Variants in LIPI observed in about 807,000 individuals in gnomAD.
LIPI encodes lipase I.
LIPI carries 59 observed loss-of-function variants against 50.6 expected under a neutral mutation model. The observed-to-expected ratio is 1.16, with a 90% CI of 0.94 to 1.45. The LOEUF (loss-of-function observed/expected upper bound fraction) is 1.45, where lower values mean the gene tolerates loss of function less well. Among genes scored for constraint, LIPI ranks in the 40% most tolerant of loss-of-function variants. The probability of loss-of-function intolerance (pLI) is 0.00; values close to 1 mark genes in which losing one functional copy is unlikely to be tolerated. For missense variants in LIPI, 586 were observed against 536.3 expected (o/e 1.09, Z -0.92); for synonymous variants, 203 against 178.2 (o/e 1.14, Z -1.11).
At chr21:14,176,175 CAA>C (rs35536134) in intron 4 of LIPI, among the ~76,000 whole-genome samples, 67 of 111,628 alleles carry the variant, frequency 6.0e-4, no homozygotes, top group Admixed American at 1.0e-3. Flanking sequence ...GACTCCGTCT[CAA>C]AAAAAAAAAA....
intron 4 of LIPI, among the ~76,000 whole-genome samples, chr21:14,179,194 A>T (rs2019188364): frequency 6.6e-6 from 1 of 152,068 alleles, no homozygotes; most frequent in Admixed American, 6.6e-5. Context: ...GAAAGGCCAC[A>T]TGGCTTTCTG....
rs572787365 is a variant in LIPI, at chr21:14,122,397, C to T, written c.1296-13317G>A. ...TTCAAATAGGGAAACCTTTGTTACC[C>T]ACATATGCCAATCCTAATAACGTTG... is the stretch of plus-strand genomic sequence containing the variant. On this transcript the variant is annotated intron_variant, in intron 9 of 9. Transcript: ENST00000681601. 1.4e-4 allele frequency among the ~76,000 whole-genome samples: 22 copies of T among 152,276 alleles called. No individual in the cohort carries two copies. In the East Asian group the frequency reaches 4.1e-3, roughly 28 times the overall value.
chr21:14,189,885 A>C (rs2019608721), intron 1 of LIPI, among the ~76,000 whole-genome samples: 1 of 152,110 alleles, frequency 6.6e-6, no homozygotes, highest in Admixed American at 6.5e-5. Flanking sequence ...ATGTTTCAAA[A>C]AATTAAATAA....
chr21:14,188,917 G>T, intron 2 of LIPI, 117 bp downstream of exon 2: 1 of 899,542 alleles, frequency 1.1e-6, no homozygotes, highest in Non-Finnish European at 1.8e-6. Flanking sequence ...TAATGCTTAT[G>T]GGGAAAAGTA....
Position 14,166,378 on chromosome 21 carries a change from A to T in LIPI, c.717T>A (p.Pro239=). The change falls in exon 5 of 10, where the codon CCT becomes CCA. Residue 239 remains proline (P), a synonymous_variant. Coordinates refer to ENST00000681601, the MANE Select transcript of LIPI (RefSeq NM_001302998.2). The stretch of plus-strand genomic sequence containing the variant: ...TCAGTATACCTGAGAAAATTGATTT[A>T]GGACAGCCAGGTTGTTTATTTCCTC... ...PNGGNKQPGC[P]KSIFSGIQFI... 6.3e-7 allele frequency: 1 copy of T among 1,589,502 alleles called. No individual in the cohort carries two copies. Among genetic ancestry groups the T allele is most frequent in the Non-Finnish European group, 8.6e-7 (1 of 1,157,604 alleles).
intron 8 of LIPI, among the ~76,000 whole-genome samples, chr21:14,151,708 A>C (rs2018097407): frequency 6.6e-6 from 1 of 152,176 alleles, no homozygotes; most frequent in Non-Finnish European, 1.5e-5. Flanking sequence ...TTTCTAGTTT[A>C]AGAATTTATT....
rs142400412 is a variant in LIPI, at chr21:14,184,962, T to C, written c.541+999A>G. Among the ~76,000 whole-genome samples the C allele has an allele frequency of 3.9e-5, 6 of 152,336 alleles. No homozygotes were observed. In the South Asian group the frequency reaches 1.0e-3, roughly 26 times the overall value. On this transcript the variant is annotated intron_variant, in intron 3 of 9. Transcript: ENST00000681601. ...TGTTATTCACCTCTTTCCCCCTTTT[T>C]TGAAACTTAACTAAGGACACTATTT...
chr21:14,168,874 A>T, intron 4 of LIPI, among the ~76,000 whole-genome samples: 1 of 152,084 alleles, frequency 6.6e-6, no homozygotes. Context: ...ATTAACTTTA[A>T]ATGTAAATGG....
intron 1 of LIPI, among the ~76,000 whole-genome samples, chr21:14,201,230 G>A (rs1451428935): frequency 2.6e-5 from 4 of 151,920 alleles, no homozygotes; most frequent in Non-Finnish European, 4.4e-5. Context: ...GACACCAAAC[G>A]CAATTGCAAC....
Position 14,171,521 on chromosome 21 carries a change from T to C in LIPI, c.644-5070A>G, listed in dbSNP as rs1317786097. ...TGGTACTGGTACCAAAACAGAGATATAGATCAATGGAACAGAACAGAGCTC... is the reference window on the plus strand; with the variant it reads ...TGGTACTGGTACCAAAACAGAGATACAGATCAATGGAACAGAACAGAGCTC... On this transcript the variant is annotated intron_variant, in intron 4 of 9. Transcript: ENST00000681601. Among the ~76,000 whole-genome samples, 12 of 150,024 alleles carry C rather than the reference T, an allele frequency of 8.0e-5. 1 individual carries two copies. The highest frequency in any genetic ancestry group is 1.5e-4 in the Non-Finnish European group (10 of 67,284).
chr21:14,136,348 G>T (rs2017498797), intron 9 of LIPI, among the ~76,000 whole-genome samples: 1 of 152,288 alleles, frequency 6.6e-6, no homozygotes, highest in Admixed American at 6.5e-5. Context: ...GCCCTAAATG[G>T]TGAGTCCCAG....
chr21:14,186,193 G>A (rs994155901), intron 2 of LIPI, 124 bp from the exon 3 acceptor site: 3 of 677,236 alleles, frequency 4.4e-6, no homozygotes, highest in African/African-American at 1.8e-5. Flanking sequence ...TGGGGATATC[G>A]GGAAAGAGAC....
At chr21:14,196,018 T>C (rs2019830845) in intron 1 of LIPI, among the ~76,000 whole-genome samples, 1 of 152,148 alleles carries the variant, frequency 6.6e-6, no homozygotes, top group Admixed American at 6.6e-5. Flanking sequence ...CAATTATTGT[T>C]AGTTTCTTAT....
intron 1 of LIPI, among the ~76,000 whole-genome samples, chr21:14,210,539 T>C (rs933424785): frequency 2.0e-5 from 3 of 152,048 alleles, no homozygotes; most frequent in African/African-American, 4.8e-5. Flanking sequence ...AGTTACATCT[T>C]TTTTTAAAAA....
intron 4 of LIPI, among the ~76,000 whole-genome samples, chr21:14,166,967 A>C (rs1283899059): frequency 6.6e-6 from 1 of 152,246 alleles, no homozygotes; most frequent in Non-Finnish European, 1.5e-5. Context: ...AGTCAAAGAA[A>C]GGGTGACAGA....
chr21:14,149,962 T>C (rs1171125555), intron 8 of LIPI, among the ~76,000 whole-genome samples: 4 of 152,120 alleles, frequency 2.6e-5, no homozygotes, highest in Non-Finnish European at 5.9e-5. Flanking sequence ...TCTGGAGGAA[T>C]GTAGCCTTTT....
intron 4 of LIPI, among the ~76,000 whole-genome samples, chr21:14,179,661 C>T (rs1270181226): frequency 2.0e-5 from 3 of 152,170 alleles, no homozygotes; most frequent in Admixed American, 1.3e-4. Flanking sequence ...ATTTCCTGGA[C>T]ATTTATCAGT....
rs999058096 is a variant in LIPI, at chr21:14,198,183, C to T, written c.47-8764G>A. Among the ~76,000 whole-genome samples the T allele has an allele frequency of 6.6e-5, 10 of 152,128 alleles. No homozygotes were observed. The South Asian group carries it at 1.9e-3, about 28-fold the overall frequency. ...ACAAAAATATACTGAAGTACACGAC[C>T]AGTGACACTATAAAGCAACCACATA... On this transcript the variant is annotated intron_variant, in intron 1 of 9. Transcript: ENST00000681601.
rs766218246 is a variant in LIPI at position 14,185,966 on chromosome 21, A to AT, written c.535dup (p.Ile179AsnfsTer5). ...TTTTATAAAAATAATTTTACCTGTT[A>AT]TTCTTCCAAGTTGACCATGAAATAT... is the stretch of plus-strand genomic sequence containing the variant. On this transcript the variant is annotated frameshift_variant, in exon 3 of 10. Coordinates refer to ENST00000681601, the MANE Select transcript of LIPI (RefSeq NM_001302998.2). LOFTEE classifies it high-confidence loss of function. The AT allele has an allele frequency of 6.7e-6, 10 of 1,483,558 alleles. No individual in the cohort carries two copies. The highest frequency in any genetic ancestry group is 7.5e-6 in the Non-Finnish European group (8 of 1,062,192). The allele number at this position is 1,483,558 out of a possible 1,614,324, so 91.9% of individuals were successfully genotyped here.
Sources: allele counts gnomAD v4.1 joint callset (sites outside exome capture counted in the v4.1 genomes callset), GRCh38; gene constraint gnomAD v4.1.1; transcripts MANE v1.5; gene names NCBI Gene and HGNC (gene_info 2026-07-23, HGNC 2026-07-21).